Variants in SYN2 observed in about 807,000 individuals in gnomAD.
The protein encoded by SYN2 is synapsin-2.
Under a neutral mutation model 50.9 loss-of-function variants are expected in SYN2, and 19 were observed. That is an observed-to-expected ratio of 0.37 (90% CI 0.26 to 0.55). The LOEUF (loss-of-function observed/expected upper bound fraction) is 0.55, where lower values mean the gene tolerates loss of function less well. Among genes scored for constraint, SYN2 ranks in the 20% least tolerant of loss-of-function variants. The probability of loss-of-function intolerance (pLI) is 0.81; values close to 1 mark genes in which losing one functional copy is unlikely to be tolerated. For missense variants in SYN2, 587 were observed against 576.4 expected (o/e 1.02, Z -0.19); for synonymous variants, 255 against 224.9 (o/e 1.13, Z -1.20).
chr3:12,105,943 CTATT>C (rs1210202883), intron 1 of SYN2, among the ~76,000 whole-genome samples: 1 of 152,156 alleles, frequency 6.6e-6, no homozygotes, highest in Non-Finnish European at 1.5e-5. Context: ...ATAACAACAC[CTATT>C]TATTAACTCA....
chr3:12,182,470 A>T (rs542520405), intron 10 of SYN2, among the ~76,000 whole-genome samples: 12 of 152,336 alleles, frequency 7.9e-5, no homozygotes, highest in African/African-American at 2.6e-4. Context: ...ACAGGTCTTT[A>T]ATCCCGTCAG....
Position 12,118,556 on chromosome 3 carries a change from A to G in SYN2, c.378-22095A>G, listed in dbSNP as rs188271608. Among the ~76,000 whole-genome samples, 6 of 152,342 alleles carry G rather than the reference A, an allele frequency of 3.9e-5. No individual in the cohort carries two copies. In the East Asian group the frequency reaches 7.7e-4, roughly 20 times the overall value. On this transcript the variant is annotated intron_variant, in intron 1 of 12. Transcript: ENST00000621198. ...ATTTATGGTTTAAGCACAAAGTAGA[A>G]TAACTTTTCTTCTTTTTCTTCCTCC...
At chr3:12,026,490 T>G (rs994999948) in intron 1 of SYN2, among the ~76,000 whole-genome samples, 8 of 152,048 alleles carry the variant, frequency 5.3e-5, no homozygotes, top group East Asian at 3.9e-4. Context: ...TTGCCTAGAA[T>G]AGGAGGCTGG....
At chr3:12,006,763 A>G (rs1468816679) in intron 1 of SYN2, among the ~76,000 whole-genome samples, 3 of 152,226 alleles carry the variant, frequency 2.0e-5, no homozygotes, top group South Asian at 2.1e-4. Flanking sequence ...AAGTGGATAC[A>G]TGAAACAGTT....
At chr3:12,174,745 G>A (rs535177264) in intron 10 of SYN2, among the ~76,000 whole-genome samples, 57 of 152,324 alleles carry the variant, frequency 3.7e-4, no homozygotes, top group Admixed American at 7.2e-4. Flanking sequence ...CTCCCAAAAT[G>A]TTGGGATTAC....
intron 1 of SYN2, among the ~76,000 whole-genome samples, chr3:12,061,229 G>C (rs1695106932): frequency 6.6e-6 from 1 of 152,054 alleles, no homozygotes; most frequent in South Asian, 2.1e-4. Context: ...AAGAATGTGA[G>C]ATATTTTCAA....
intron 11 of SYN2, chr3:12,183,861 A>G (rs1395067975): frequency 2.0e-6 from 2 of 1,024,668 alleles, no homozygotes; most frequent in African/African-American, 1.7e-5. Context: ...CCCCAAGCTC[A>G]GTTAAATCCC....
chr3:12,050,482 A>T (rs572727670), intron 1 of SYN2, among the ~76,000 whole-genome samples: 11 of 151,464 alleles, frequency 7.3e-5, no homozygotes, highest in African/African-American at 2.7e-4. Flanking sequence ...AGTAGCTGGG[A>T]CTATAGGTGT....
intron 1 of SYN2, among the ~76,000 whole-genome samples, chr3:12,138,042 C>T (rs904859795): frequency 6.6e-6 from 1 of 152,212 alleles, no homozygotes; most frequent in Non-Finnish European, 1.5e-5. Flanking sequence ...TGGATTCTAG[C>T]ACACTGCCCT....
intron 1 of SYN2, among the ~76,000 whole-genome samples, chr3:12,095,626 T>G (rs942819816): frequency 7.0e-6 from 1 of 142,504 alleles, no homozygotes; most frequent in Non-Finnish European, 1.5e-5. Flanking sequence ...CTATCTTCAT[T>G]GAACTTGTTC....
intron 4 of SYN2, among the ~76,000 whole-genome samples, chr3:12,146,928 A>T (rs189290431): frequency 6.6e-6 from 1 of 152,158 alleles, no homozygotes; most frequent in Admixed American, 6.5e-5. Flanking sequence ...GCATCAACTC[A>T]CTGGAATCCA....
intron 11 of SYN2, chr3:12,184,330 G>A (rs551213189): frequency 1.6e-5 from 16 of 985,704 alleles, no homozygotes; most frequent in South Asian, 4.7e-5. Context: ...CCATGTGTGC[G>A]CTTGTGTGGA....
intron 9 of SYN2, among the ~76,000 whole-genome samples, chr3:12,169,073 T>G (rs1697876838): frequency 6.6e-6 from 1 of 152,188 alleles, no homozygotes; most frequent in African/African-American, 2.4e-5. Flanking sequence ...AAAGTAGGCT[T>G]CAAATTCAGA....
intron 1 of SYN2, among the ~76,000 whole-genome samples, chr3:12,042,081 G>T (rs896113459): frequency 9.9e-5 from 15 of 152,136 alleles, no homozygotes; most frequent in African/African-American, 3.4e-4. Flanking sequence ...ATTAGCGTTG[G>T]TCTGTAAGCC....
intron 7 of SYN2, 21 bp from the exon 8 acceptor site, chr3:12,167,212 TC>T: frequency 6.2e-7 from 1 of 1,610,120 alleles, no homozygotes; most frequent in Non-Finnish European, 8.5e-7. Flanking sequence ...GCCTGTCCTA[TC>T]CTGGTGGGAT....
chr3:12,034,002 A>T (rs1694439475), intron 1 of SYN2, among the ~76,000 whole-genome samples: 1 of 152,194 alleles, frequency 6.6e-6, no homozygotes, highest in African/African-American at 2.4e-5. Flanking sequence ...TTTATGTACA[A>T]GTTGTTGTGT....
intron 1 of SYN2, among the ~76,000 whole-genome samples, chr3:12,019,980 A>T (rs1213776074): frequency 6.6e-6 from 1 of 152,176 alleles, no homozygotes; most frequent in African/African-American, 2.4e-5. Flanking sequence ...AGGGATAGAT[A>T]AAAAAATTGC....
chr3:12,147,564 C>G (rs1218392012), intron 4 of SYN2, among the ~76,000 whole-genome samples: 1 of 152,158 alleles, frequency 6.6e-6, no homozygotes, highest in Non-Finnish European at 1.5e-5. Context: ...CCCCTTTCTC[C>G]TCAGTCACAT....
chr3:12,172,980 C>G (rs964363645), intron 10 of SYN2, among the ~76,000 whole-genome samples: 1 of 152,212 alleles, frequency 6.6e-6, no homozygotes, highest in African/African-American at 2.4e-5. Context: ...CATGGAAATG[C>G]AGAGTGTGTG....
Sources: gnomAD v4.1 joint callset for allele counts (sites outside exome capture counted in the v4.1 genomes callset) on GRCh38, gnomAD v4.1.1 for gene constraint, MANE v1.5 for transcripts, NCBI Gene and HGNC (gene_info 2026-07-23, HGNC 2026-07-21) for gene names.